The following CHN2 variants were observed in gnomAD, a reference collection of about 807,000 sequenced individuals.
The protein encoded by CHN2 is chimerin 2.
A neutral mutation model predicts 56.3 loss-of-function variants in CHN2; 35 were observed. The observed-to-expected ratio is 0.62, with a 90% confidence interval of 0.47 to 0.82. CHN2 has a LOEUF of 0.82. Ranked by LOEUF, CHN2 falls within the 40% of genes least tolerant of loss-of-function variation. The pLI is 0.00. For synonymous variants in CHN2, 210 were observed against 212.8 expected, an observed-to-expected ratio of 0.99 and a Z score of 0.12; for missense variants, 491 against 580.5, an observed-to-expected ratio of 0.85 and a Z score of 1.58.
intron 8 of CHN2, among the ~76,000 whole-genome samples, chr7:29,497,303 A>G (rs1442159015): frequency 5.3e-5 from 8 of 152,164 alleles, no homozygotes; most frequent in Non-Finnish European, 1.0e-4. Context: ...AGTGGTCATT[A>G]ATTTGGCCTG....
chr7:29,237,171 A>T (rs967757874), intron 1 of CHN2, among the ~76,000 whole-genome samples: 4 of 152,248 alleles, frequency 2.6e-5, no homozygotes, highest in Admixed American at 2.6e-4. Context: ...TAACTCCAGG[A>T]TGGCCCTTTT....
intron 1 of CHN2, among the ~76,000 whole-genome samples, chr7:29,211,180 C>T (rs1049433653): frequency 6.6e-6 from 1 of 151,928 alleles, no homozygotes; most frequent in African/African-American, 2.4e-5. Flanking sequence ...ACGCCATTCT[C>T]CTGCCTCAGC....
intron 4 of CHN2, among the ~76,000 whole-genome samples, chr7:29,396,074 TTATA>T (rs1801713407): frequency 6.6e-6 from 1 of 152,084 alleles, no homozygotes; most frequent in Non-Finnish European, 1.5e-5. Context: ...TGTACAATAA[TTATA>T]TATCAATTAA....
At chr7:29,203,131 C>T (rs1784279791) in intron 1 of CHN2, among the ~76,000 whole-genome samples, 3 of 152,190 alleles carry the variant, frequency 2.0e-5, no homozygotes. Flanking sequence ...AAATATCTGA[C>T]TCATAACCTT....
At chr7:29,363,811 G>C (rs1226055108) in intron 2 of CHN2, among the ~76,000 whole-genome samples, 1 of 152,126 alleles carries the variant, frequency 6.6e-6, no homozygotes. Context: ...GAGCCATGTG[G>C]ATATCTTGGG....
chr7:29,502,330 G>A (rs565581203), intron 9 of CHN2, among the ~76,000 whole-genome samples: 6 of 152,208 alleles, frequency 3.9e-5, no homozygotes, highest in East Asian at 1.9e-4. Flanking sequence ...GCTATCCTGC[G>A]TGCACAATCA....
chr7:29,303,443 C>G (rs1793880345), intron 1 of CHN2, among the ~76,000 whole-genome samples: 1 of 152,208 alleles, frequency 6.6e-6, no homozygotes, highest in Non-Finnish European at 1.5e-5. Context: ...TCCCTGTCCT[C>G]CCCGCCTCTA....
chr7:29,318,764 G>T (rs1795134608), intron 1 of CHN2, among the ~76,000 whole-genome samples: 1 of 152,106 alleles, frequency 6.6e-6, no homozygotes, highest in Non-Finnish European at 1.5e-5. Context: ...AACAGATTCT[G>T]CACAGTAACA....
intron 8 of CHN2, among the ~76,000 whole-genome samples, chr7:29,496,650 C>T (rs12670177): frequency 0.18 from 27,636 of 152,176 alleles, 2,648 homozygotes; most frequent in East Asian, 0.27. Flanking sequence ...GCAGTGAAAC[C>T]ATGCACCTTG....
At chr7:29,192,696 TC>T (rs1255283009), upstream of CHN2, 1 of 152,250 alleles carries the variant, frequency 6.6e-6, no homozygotes, top group African/African-American at 2.4e-5. Context: ...CTTCACAGCA[TC>T]CTGTGTTATC....
chr7:29,183,081 CTTTTTTTTTTT>C (rs34942216), intron 2 of CHN2, among the ~76,000 whole-genome samples: 13 of 131,906 alleles, frequency 9.9e-5, no homozygotes, highest in African/African-American at 3.7e-4. Flanking sequence ...ACATGGCAGA[CTTTTTTTTTTT>C]TTTTTTTTTG....
rs376815123 is a variant in CHN2, at chr7:29,482,372, G to C, written c.654+2016G>C. Among the ~76,000 whole-genome samples the C allele has an allele frequency of 6.6e-5, 10 of 152,288 alleles. 1 individual carries two copies. Among genetic ancestry groups the C allele is most frequent in the African/African-American group, 2.2e-4 (9 of 41,558 alleles). On this transcript the variant is annotated intron_variant, in intron 7 of 12. Coordinates refer to ENST00000222792, the MANE Select transcript of CHN2 (RefSeq NM_004067.4). ...GAATGAGTGGCAGGGGCCAGATGAG[G>C]CATCCCCTTTGTCCTTCCTTGCCCT...
intron 6 of CHN2, among the ~76,000 whole-genome samples, chr7:29,455,224 G>T (rs2128133464): frequency 6.6e-6 from 1 of 152,298 alleles, no homozygotes; most frequent in East Asian, 1.9e-4. Flanking sequence ...ATAATAAGCA[G>T]CAAGGTAATG....
chr7:29,348,583 G>A (rs1326873088), intron 1 of CHN2, among the ~76,000 whole-genome samples: 1 of 151,990 alleles, frequency 6.6e-6, no homozygotes, highest in Non-Finnish European at 1.5e-5. Flanking sequence ...TTTAAAAGAG[G>A]GCCAAAGGAA....
intron 1 of CHN2, among the ~76,000 whole-genome samples, chr7:29,251,301 A>G (rs188844426): frequency 2.6e-5 from 4 of 152,124 alleles, no homozygotes; most frequent in Admixed American, 6.5e-5. Flanking sequence ...AGAAAATACA[A>G]AAGTTAGCTG....
chr7:29,168,617 T>G (rs1024207840), intron 2 of CHN2, among the ~76,000 whole-genome samples: 1 of 152,298 alleles, frequency 6.6e-6, no homozygotes, highest in Non-Finnish European at 1.5e-5. Context: ...TATGTGAGGG[T>G]CTCTGTTCCA....
At chr7:29,199,746 T>C (rs1018958935) in intron 1 of CHN2, 2 of 152,194 alleles carry the variant, frequency 1.3e-5, no homozygotes, top group African/African-American at 4.8e-5. Context: ...AGATTTTTCT[T>C]AGCATGCTAC....
chr7:29,466,868 T>G lies in CHN2; in HGVS notation c.577-13411T>G, dbSNP rs543579730. On this transcript the variant is annotated intron_variant, in intron 6 of 12. Coordinates refer to ENST00000222792, the MANE Select transcript of CHN2 (RefSeq NM_004067.4). Reference sequence around the variant, plus strand: ...ATATTTTGTTTTTCTGTGGCAAAGTTTTTCTTTTTTTCTCATACCATTTAT... The same window carrying G: ...ATATTTTGTTTTTCTGTGGCAAAGTGTTTCTTTTTTTCTCATACCATTTAT... 2.2e-3 allele frequency among the ~76,000 whole-genome samples: 337 copies of G among 152,294 alleles called. 1 individual carries two copies. Among genetic ancestry groups the G allele is most frequent in the African/African-American group, 7.5e-3 (311 of 41,572 alleles).
intron 6 of CHN2, among the ~76,000 whole-genome samples, chr7:29,408,614 G>A (rs1385465413): frequency 2.6e-5 from 4 of 152,158 alleles, no homozygotes; most frequent in Non-Finnish European, 5.9e-5. Context: ...CTCCTTTCCC[G>A]AGATTATTGC....
Sources: gnomAD v4.1 joint callset for allele counts (sites outside exome capture counted in the v4.1 genomes callset) on GRCh38, gnomAD v4.1.1 for gene constraint, MANE v1.5 for transcripts, NCBI Gene and HGNC (gene_info 2026-07-23, HGNC 2026-07-21) for gene names.